Variants in ZNF773 observed in about 807,000 individuals in gnomAD.
The protein encoded by ZNF773 is zinc finger protein 419B.
In ZNF773, 11 loss-of-function variants were observed where a neutral mutation model predicts 12.8. The observed-to-expected ratio is 0.86, with a 90% CI of 0.54 to 1.42. The LOEUF is 1.42. Ranked by LOEUF, ZNF773 falls within the 40% of genes most tolerant of loss-of-function variation. ZNF773 has a pLI of 0.00. For synonymous variants in ZNF773, 175 were observed against 178.4 expected (o/e 0.98, Z 0.15); for missense variants, 518 against 527.2 (o/e 0.98, Z 0.17).
intron 1 of ZNF773, among the ~76,000 whole-genome samples, chr19:57,501,116 G>C (rs763550324): frequency 1.3e-5 from 2 of 152,142 alleles, no homozygotes; most frequent in Non-Finnish European, 1.5e-5. Flanking sequence ...AGCCAGGCTG[G>C]TGGAGCAGCA....
intron 1 of ZNF773, among the ~76,000 whole-genome samples, chr19:57,502,191 C>T (rs969172361): frequency 3.3e-5 from 5 of 152,192 alleles, no homozygotes; most frequent in East Asian, 1.9e-4. Context: ...ATCCGCCCAC[C>T]TCTGCCTCCC....
intron 1 of ZNF773, among the ~76,000 whole-genome samples, chr19:57,504,235 C>T (rs1426536931): frequency 1.3e-5 from 2 of 152,060 alleles, no homozygotes; most frequent in Non-Finnish European, 2.9e-5. Context: ...AATGTGGTGA[C>T]GCTAGGGGAG....
In ZNF773 at chr19:57,507,201, G is replaced by C; in HGVS notation, c.1106G>C (p.Ser369Thr). 1 of 1,614,178 alleles carries C rather than the reference G, an allele frequency of 6.2e-7. No homozygotes were observed. Among genetic ancestry groups the C allele is most frequent in the Non-Finnish European group, 8.5e-7 (1 of 1,180,018 alleles). Reference protein sequence around the residue: ...YECSECGKFFSQSSSLMQHRK... With the variant: ...YECSECGKFFTQSSSLMQHRK... ...TGCAGTGAATGTGGGAAATTTTTTA[G>C]CCAAAGCTCAAGCCTCATGCAACAT... Residue 369 changes from serine (S) to threonine (T), a missense_variant, in exon 4 of 4, where the codon AGC becomes ACC. Physicochemically the swap from Ser to Thr is moderately conservative, Grantham distance 58 (BLOSUM62 1). Transcript: ENST00000282292.
downstream of ZNF773, chr19:57,513,088 A>G (rs2089809144): frequency 1.3e-6 from 2 of 1,509,846 alleles, no homozygotes; most frequent in Non-Finnish European, 1.8e-6. Flanking sequence ...GCTGGAGCAG[A>G]GAAAGTGAAA....
Position 57,507,085 on chromosome 19 carries a change from T to A in ZNF773, c.990T>A (p.Pro330=), listed in dbSNP as rs1164583255. Residue 330 remains proline (P), a synonymous_variant, in exon 4 of 4, where the codon CCT becomes CCA. Coordinates refer to ENST00000282292, the MANE Select transcript of ZNF773 (RefSeq NM_198542.3). The part of the protein sequence containing the change: ...KHQRVHTGER[P]YKCSECGKFY... ...AGAGAGTTCACACTGGAGAAAGACC[T>A]TATAAGTGCAGTGAATGTGGAAAAT... The A allele has an allele frequency of 1.2e-6, 2 of 1,614,102 alleles. No homozygotes were observed. Among genetic ancestry groups the A allele is most frequent in the Non-Finnish European group, 8.5e-7 (1 of 1,180,014 alleles).
rs765721507 is a variant in ZNF773, at chr19:57,504,641, A to G, written c.34-16A>G. On this transcript the variant is annotated splice_polypyrimidine_tract_variant and intron_variant, in intron 1 of 3. Transcript: ENST00000282292. ...AGTAAGGAGACCGCAGATAAACTCA[A>G]CTCTGTCCATCTTAGCAGGGCTATG... The G allele has an allele frequency of 1.1e-5, 18 of 1,613,326 alleles. 1 individual carries two copies. In the Middle Eastern group the frequency reaches 4.9e-4, roughly 44 times the overall value.
At chr19:57,510,688 T>G (rs1271806107), downstream of ZNF773, among the ~76,000 whole-genome samples, 1 of 152,154 alleles carries the variant, frequency 6.6e-6, no homozygotes, top group African/African-American at 2.4e-5. Context: ...ATATCACTAT[T>G]CTAAGTTGGT....
chr19:57,514,624 A>AT (rs887426216), downstream of ZNF773: 49 of 152,296 alleles, frequency 3.2e-4, no homozygotes, highest in African/African-American at 1.1e-3. Context: ...TGGCTTTTTT[A>AT]TCCAATCAGA....
chr19:57,511,178 G>A (rs1052856628), downstream of ZNF773, among the ~76,000 whole-genome samples: 2 of 151,448 alleles, frequency 1.3e-5, no homozygotes, highest in Admixed American at 6.6e-5. Context: ...AGCCTCCTGC[G>A]TAGCTGGGAC....
At position 57,505,837 on chromosome 19, in the gene ZNF773, G is replaced by A. The variant is rs146641907; in HGVS notation, c.262+437G>A. 3.9e-4 allele frequency among the ~76,000 whole-genome samples: 59 copies of A among 151,230 alleles called. 1 individual carries two copies. In the East Asian group the frequency reaches 0.012, roughly 30 times the overall value. On this transcript the variant is annotated intron_variant, in intron 3 of 3. Coordinates refer to ENST00000282292, the MANE Select transcript of ZNF773 (RefSeq NM_198542.3). The stretch of plus-strand genomic sequence containing the variant: ...GCCATTCTCCTGCCTCAGCCTCCTA[G>A]TAGCCAGGACTACAGGCGCCCGCCA...
chr19:57,501,995 T>C (rs1283329426), intron 1 of ZNF773, among the ~76,000 whole-genome samples: 1 of 152,056 alleles, frequency 6.6e-6, no homozygotes, highest in Admixed American at 6.6e-5. Flanking sequence ...CAGGCTGGAG[T>C]GCAATGGTAC....
chr19:57,512,400 A>ATTTTT (rs747914066), downstream of ZNF773, among the ~76,000 whole-genome samples: 8 of 113,278 alleles, frequency 7.1e-5, no homozygotes, highest in Non-Finnish European at 8.7e-5. Flanking sequence ...AAGATGCAGT[A>ATTTTT]TTTTTTTTTT....
At chr19:57,513,248 A>C (rs1408609071), downstream of ZNF773, 2 of 535,454 alleles carry the variant, frequency 3.7e-6, no homozygotes, top group East Asian at 3.7e-5. Context: ...ATATGCAGTC[A>C]CTTAAAGGTT....
chr19:57,513,328 A>G (rs1376703861), downstream of ZNF773: 8 of 313,052 alleles, frequency 2.6e-5, no homozygotes, highest in Admixed American at 5.0e-5. Flanking sequence ...GTTATCACGC[A>G]TAACCCATGG....
chr19:57,517,980 CTG>C (rs746872074), downstream of ZNF773: 6 of 153,742 alleles, frequency 3.9e-5, no homozygotes, highest in Admixed American at 6.5e-5. Flanking sequence ...TGTTCATAGT[CTG>C]TAAAATCAGC....
At chr19:57,517,310 G>A (rs903637843), downstream of ZNF773, 14 of 152,072 alleles carry the variant, frequency 9.2e-5, no homozygotes, top group African/African-American at 3.4e-4. Flanking sequence ...TCACATTCCT[G>A]GATTATAGAT....
In ZNF773 at chr19:57,507,722, C is replaced by G; in HGVS notation, c.*298C>G. 1 of 1,175,284 alleles carries G rather than the reference C, an allele frequency of 8.5e-7. No individual in the cohort carries two copies. The highest frequency in any genetic ancestry group is 4.1e-5 in the East Asian group (1 of 24,146). The allele number at this position is 1,175,284 out of a possible 1,614,324, so 72.8% of individuals were successfully genotyped here. A position where few individuals can be genotyped will look rare whatever the true frequency, so the allele number is the denominator to read the frequency against. ...GGCGTGGTGGCTGACACCTGTTATT[C>G]TCACCACTTTGGGAGGCTGAAGCGG... On this transcript the variant is annotated 3_prime_UTR_variant, in exon 4 of 4. Transcript: ENST00000282292.
At chr19:57,514,943 T>C (rs936949804), downstream of ZNF773, 2 of 152,214 alleles carry the variant, frequency 1.3e-5, no homozygotes, top group Non-Finnish European at 2.9e-5. Flanking sequence ...TACTGATGAC[T>C]CTTCTAAAGG....
exon 5 of ZNF773, chr19:57,518,319 G>A (rs534051517): frequency 6.6e-6 from 1 of 152,288 alleles, no homozygotes; most frequent in South Asian, 2.1e-4. Context: ...TCAAGCAGCT[G>A]ACCAACCATT....
Sources: gnomAD v4.1 joint callset for allele counts (sites outside exome capture counted in the v4.1 genomes callset) on GRCh38, gnomAD v4.1.1 for gene constraint, MANE v1.5 for transcripts, NCBI Gene and HGNC (gene_info 2026-07-23, HGNC 2026-07-21) for gene names.